KCND3: variants seen among roughly 807,000 people sequenced by gnomAD.
KCND3 encodes potassium voltage-gated channel subfamily D member 3.
A neutral mutation model predicts 51.1 loss-of-function variants in KCND3; 9 were observed. The ratio of observed to expected loss-of-function variants is 0.18; its 90% confidence interval spans 0.11 to 0.31. The LOEUF (loss-of-function observed/expected upper bound fraction) is 0.31, where lower values mean the gene tolerates loss of function less well. Ranked by LOEUF, KCND3 falls within the 10% of genes least tolerant of loss-of-function variation. The pLI, the probability that KCND3 is intolerant of heterozygous loss-of-function variation, is 1.00. For synonymous variants in KCND3, 349 were observed against 368.0 expected (o/e 0.95, Z 0.59); for missense variants, 526 against 903.8 (o/e 0.58, Z 5.36).
intron 2 of KCND3, among the ~76,000 whole-genome samples, chr1:111,825,557 AAAGTTT>A (rs1666536961): frequency 6.6e-6 from 1 of 152,208 alleles, no homozygotes; most frequent in Admixed American, 6.5e-5. Flanking sequence ...GTATTACAAT[AAAGTTT>A]ATTTTTTCCA....
At chr1:111,931,769 T>C (rs998326077) in intron 2 of KCND3, among the ~76,000 whole-genome samples, 21 of 152,350 alleles carry the variant, frequency 1.4e-4, no homozygotes, top group African/African-American at 4.8e-4. Flanking sequence ...TTTTGGGCAG[T>C]TGCAGAGACT....
chr1:111,797,405 C>A (rs936293219), intron 2 of KCND3, among the ~76,000 whole-genome samples: 1 of 152,150 alleles, frequency 6.6e-6, no homozygotes, highest in African/African-American at 2.4e-5. Context: ...CATAGCCCCT[C>A]GCACTGGCCA....
chr1:111,935,479 G>A (rs1441813831), intron 2 of KCND3, among the ~76,000 whole-genome samples: 1 of 146,588 alleles, frequency 6.8e-6, no homozygotes, highest in Non-Finnish European at 1.6e-5. Flanking sequence ...GATTATAATT[G>A]CCCAGAGAGG....
chr1:111,852,728 A>G (rs1667878290), intron 2 of KCND3, among the ~76,000 whole-genome samples: 1 of 152,230 alleles, frequency 6.6e-6, no homozygotes, highest in Non-Finnish European at 1.5e-5. Flanking sequence ...TCCAAAAGAA[A>G]AATAAAATTG....
chr1:111,846,244 A>G (rs993505725), intron 2 of KCND3, among the ~76,000 whole-genome samples: 2 of 152,172 alleles, frequency 1.3e-5, no homozygotes, highest in Admixed American at 6.5e-5. Context: ...TCATCCACTT[A>G]TACTGAAATA....
intron 2 of KCND3, among the ~76,000 whole-genome samples, chr1:111,909,082 C>T (rs1670795607): frequency 6.6e-6 from 1 of 151,926 alleles, no homozygotes; most frequent in Non-Finnish European, 1.5e-5. Flanking sequence ...GAATTAACTT[C>T]CTTTCTTCCT....
chr1:111,821,771 T>C lies in KCND3; in HGVS notation c.1107-34665A>G, dbSNP rs548871999. On this transcript the variant is annotated intron_variant, in intron 2 of 7. Transcript: ENST00000302127. ...ATCTCTGCCAGCAGGCATGGCCTCC[T>C]GCAGGGGCCAGGGGGACAGTCCCTG... Among the ~76,000 whole-genome samples, 48 of 152,328 alleles carry C rather than the reference T, an allele frequency of 3.2e-4. 1 individual carries two copies. Among genetic ancestry groups the C allele is most frequent in the African/African-American group, 1.2e-3 (48 of 41,578 alleles).
intron 2 of KCND3, among the ~76,000 whole-genome samples, chr1:111,836,168 T>G (rs571051926): frequency 6.6e-6 from 1 of 152,208 alleles, no homozygotes; most frequent in African/African-American, 2.4e-5. Context: ...CTTTTGGTCA[T>G]CTGAGGTTTG....
chr1:111,939,278 G>A (rs1672372494), intron 2 of KCND3, among the ~76,000 whole-genome samples: 1 of 152,090 alleles, frequency 6.6e-6, no homozygotes, highest in Admixed American at 6.5e-5. Flanking sequence ...CGTGCAGAAC[G>A]TGCAGGTCTG....
chr1:111,772,932 A>C lies in KCND3; in HGVS notation c.*3145T>G, dbSNP rs1376784810. ...CTGGTTTTTCAGTCACTGGCCAATGAGTTAGACTTATGAAACCAATTCAGC... is the reference window on the plus strand; with the variant it reads ...CTGGTTTTTCAGTCACTGGCCAATGCGTTAGACTTATGAAACCAATTCAGC... On this transcript the variant is annotated 3_prime_UTR_variant, in exon 8 of 8. Transcript: ENST00000302127. 5.3e-5 allele frequency: 8 copies of C among 152,240 alleles called. No homozygotes were observed. Among genetic ancestry groups the C allele is most frequent in the Admixed American group, 5.2e-4 (8 of 15,284 alleles). The allele number at this position is 152,240 out of a possible 1,614,324, so 9.4% of individuals were successfully genotyped here. A position where few individuals can be genotyped will look rare whatever the true frequency, so the allele number is the denominator to read the frequency against.
intron 2 of KCND3, among the ~76,000 whole-genome samples, chr1:111,970,596 A>G (rs1422157187): frequency 6.6e-6 from 1 of 152,190 alleles, no homozygotes; most frequent in African/African-American, 2.4e-5. Flanking sequence ...GAGCCCAGAA[A>G]TGTATAGCCC....
intron 2 of KCND3, among the ~76,000 whole-genome samples, chr1:111,839,124 G>C (rs977112228): frequency 6.6e-6 from 1 of 152,184 alleles, no homozygotes; most frequent in Non-Finnish European, 1.5e-5. Flanking sequence ...GATCAACCCA[G>C]AACGAGAATC....
chr1:111,951,186 G>C (rs918557318), intron 2 of KCND3, among the ~76,000 whole-genome samples: 3 of 78,446 alleles, frequency 3.8e-5, no homozygotes, highest in Non-Finnish European at 7.8e-5. Flanking sequence ...AAAAAAAAAA[G>C]ACCTATAGTA....
chr1:111,892,593 A>G (rs1669881993), intron 2 of KCND3, among the ~76,000 whole-genome samples: 1 of 152,266 alleles, frequency 6.6e-6, no homozygotes, highest in South Asian at 2.1e-4. Context: ...CTGGAACTAT[A>G]GTACATTCTA....
At chr1:111,952,685 G>A (rs567062209) in intron 2 of KCND3, among the ~76,000 whole-genome samples, 3 of 152,280 alleles carry the variant, frequency 2.0e-5, no homozygotes, top group South Asian at 4.2e-4. Flanking sequence ...GGGAGATGCC[G>A]AAGGATGGAC....
chr1:111,866,293 C>G lies in KCND3; in HGVS notation c.1107-79187G>C, dbSNP rs1298969609. ...TTTTTTTTTTTTTGACAAGGTCTGG[C>G]TCTGTTGTGCAGGCTGGATGGAGCG... On this transcript the variant is annotated intron_variant, in intron 2 of 7. Transcript: ENST00000302127. Among the ~76,000 whole-genome samples the G allele has an allele frequency of 6.6e-5, 8 of 121,992 alleles. No homozygotes were observed. The Admixed American group carries it at 7.4e-4, about 11-fold the overall frequency. The allele number at this position is 121,992 out of a possible 152,430, so 80.0% of individuals were successfully genotyped here. A position where few individuals can be genotyped will look rare whatever the true frequency, so the allele number is the denominator to read the frequency against.
chr1:111,954,015 G>T (rs1357070720), intron 2 of KCND3, among the ~76,000 whole-genome samples: 4 of 152,120 alleles, frequency 2.6e-5, no homozygotes, highest in East Asian at 1.9e-4. Flanking sequence ...AAGCCAGGAT[G>T]GGGGGTGGGG....
intron 2 of KCND3, among the ~76,000 whole-genome samples, chr1:111,868,501 A>G (rs959061201): frequency 2.0e-5 from 3 of 152,116 alleles, no homozygotes; most frequent in Admixed American, 2.0e-4. Context: ...GCTCAGTACT[A>G]CCCGTGGTCT....
Position 111,982,760 on chromosome 1 carries a change from G to A in KCND3, c.-34C>T. The A allele has an allele frequency of 6.3e-7, 1 of 1,581,672 alleles. No homozygotes were observed. The highest frequency in any genetic ancestry group is 8.5e-7 in the Non-Finnish European group (1 of 1,170,954). ...CAGCTCTTGGGCCGGCAGCCGCGCG[G>A]ACGCTAGGCACACCAGCTTGGAGTT... On this transcript the variant is annotated 5_prime_UTR_variant, in exon 2 of 8. Transcript: ENST00000302127. This position sits in a 1 kb window ranked among gnomAD's most constrained non-coding sequence, Gnocchi z 8.5.
Sources: allele counts gnomAD v4.1 joint callset (sites outside exome capture counted in the v4.1 genomes callset), GRCh38; gene constraint gnomAD v4.1.1; non-coding constraint Gnocchi (gnomAD v3.1); transcripts MANE v1.5; gene names NCBI Gene and HGNC (gene_info 2026-07-23, HGNC 2026-07-21).